The following PRKAR1B variants were observed in gnomAD, a reference collection of about 807,000 sequenced individuals.
The protein encoded by PRKAR1B is cAMP-dependent protein kinase type I-beta regulatory subunit.
Under a neutral mutation model 46.5 loss-of-function variants are expected in PRKAR1B, and 22 were observed. The ratio of observed to expected loss-of-function variants is 0.47; its 90% CI spans 0.34 to 0.68. The LOEUF is 0.68. PRKAR1B is among the 30% of genes least tolerant of loss of function. The pLI, the probability that PRKAR1B is intolerant of heterozygous loss-of-function variation, is 0.01. For synonymous variants in PRKAR1B, 259 were observed against 217.7 expected (o/e 1.19, Z -1.67); for missense variants, 445 against 535.6 (o/e 0.83, Z 1.67).
chr7:557,423 T>C (rs750458512), intron 9 of PRKAR1B, among the ~76,000 whole-genome samples: 4 of 152,230 alleles, frequency 2.6e-5, no homozygotes, highest in Non-Finnish European at 5.9e-5. Flanking sequence ...TTACAGCAGC[T>C]CGGCCTCTCT....
intron 4 of PRKAR1B, among the ~76,000 whole-genome samples, chr7:618,038 C>T (rs950397392): frequency 6.6e-6 from 1 of 152,140 alleles, no homozygotes; most frequent in Admixed American, 6.5e-5. Flanking sequence ...ACCCCCTCAC[C>T]GCCCCCACCA....
At chr7:645,367 C>G (rs956419369) in intron 4 of PRKAR1B, among the ~76,000 whole-genome samples, 3 of 152,194 alleles carry the variant, frequency 2.0e-5, no homozygotes, top group African/African-American at 7.2e-5. Flanking sequence ...CTCACTCAGT[C>G]TACTTGGGCG....
At chr7:591,627 G>A (rs1006213361) in intron 7 of PRKAR1B, among the ~76,000 whole-genome samples, 1 of 152,190 alleles carries the variant, frequency 6.6e-6, no homozygotes, top group African/African-American at 2.4e-5. Context: ...AGGCGGGAGG[G>A]TCGCTTGAGC....
chr7:622,893 A>G (rs931431033), intron 4 of PRKAR1B, among the ~76,000 whole-genome samples: 3 of 151,054 alleles, frequency 2.0e-5, no homozygotes, highest in Non-Finnish European at 4.4e-5. Flanking sequence ...GTCCTCCTTT[A>G]GAAGTGGTTC....
chr7:709,930 C>A (rs1199821091), intron 2 of PRKAR1B, among the ~76,000 whole-genome samples: 2 of 152,224 alleles, frequency 1.3e-5, no homozygotes, highest in Admixed American at 6.5e-5. Context: ...GTATAAGCCA[C>A]CGTATCTGGC....
chr7:585,445 G>A (rs1780542646), intron 7 of PRKAR1B, among the ~76,000 whole-genome samples: 1 of 152,220 alleles, frequency 6.6e-6, no homozygotes, highest in South Asian at 2.1e-4. Flanking sequence ...CCGGACAGCA[G>A]CAAGCTCGAC....
intron 4 of PRKAR1B, among the ~76,000 whole-genome samples, chr7:619,512 G>T (rs183265865): frequency 2.0e-5 from 3 of 152,332 alleles, no homozygotes; most frequent in African/African-American, 7.2e-5. Context: ...CCTGCCCAAG[G>T]TCACACAGCT....
chr7:569,288 A>T (rs1341697669), intron 9 of PRKAR1B, among the ~76,000 whole-genome samples: 1 of 152,176 alleles, frequency 6.6e-6, no homozygotes, highest in Non-Finnish European at 1.5e-5. Flanking sequence ...CCCTCTATCC[A>T]CGCAGAGAAC....
intron 2 of PRKAR1B, among the ~76,000 whole-genome samples, chr7:703,674 C>T (rs950840155): frequency 3.4e-5 from 5 of 146,158 alleles, no homozygotes; most frequent in African/African-American, 1.3e-4. Context: ...AAAAAAAAAT[C>T]AGCAGGAATG....
At chr7:674,064 C>A (rs1786441194) in intron 4 of PRKAR1B, among the ~76,000 whole-genome samples, 1 of 152,206 alleles carries the variant, frequency 6.6e-6, no homozygotes, top group African/African-American at 2.4e-5. Flanking sequence ...CCAGGGCCAC[C>A]CGCCCACCTC....
At chr7:707,775 C>A (rs1472092298) in intron 2 of PRKAR1B, among the ~76,000 whole-genome samples, 1 of 152,282 alleles carries the variant, frequency 6.6e-6, no homozygotes, top group South Asian at 2.1e-4. Flanking sequence ...CCTGGACCAC[C>A]CACAATCGCC....
At chr7:634,301 C>T (rs966263004) in intron 4 of PRKAR1B, among the ~76,000 whole-genome samples, 9 of 151,862 alleles carry the variant, frequency 5.9e-5, no homozygotes, top group South Asian at 2.1e-4. Flanking sequence ...GGATTACAGG[C>T]GTGAGCCACT....
intron 2 of PRKAR1B, chr7:696,934 C>G (rs573565561): frequency 2.1e-4 from 32 of 152,462 alleles, no homozygotes; most frequent in African/African-American, 7.5e-4. Context: ...TGTGCACATG[C>G]CAGGCTGCTC....
chr7:668,569 A>G (rs970087264), intron 4 of PRKAR1B, among the ~76,000 whole-genome samples: 1 of 152,200 alleles, frequency 6.6e-6, no homozygotes, highest in Non-Finnish European at 1.5e-5. Context: ...CCAGCCTTAC[A>G]AAGAGGAGTT....
chr7:727,375 TCCGCGGCCCCTCTCACAACCC>T (rs1235843368), upstream of PRKAR1B: 6 of 771,158 alleles, frequency 7.8e-6, no homozygotes, highest in Non-Finnish European at 4.5e-6. Flanking sequence ...CACCTCCACC[TCCGCGGCCCCTCTCACAACCC>T]CCGCGGCTCG....
chr7:726,437 A>T (rs1407780985), intron 1 of PRKAR1B, among the ~76,000 whole-genome samples: 2 of 152,160 alleles, frequency 1.3e-5, no homozygotes, highest in African/African-American at 4.8e-5. Flanking sequence ...GGGCAGGCCC[A>T]GGCCTATAGC....
At chr7:645,001 C>T (rs1393684710) in intron 4 of PRKAR1B, among the ~76,000 whole-genome samples, 6 of 152,172 alleles carry the variant, frequency 3.9e-5, no homozygotes, top group Admixed American at 6.5e-5. Flanking sequence ...ATAAATAAGG[C>T]GCAGTGTGGA....
chr7:612,601 A>G (rs914612004), intron 4 of PRKAR1B, among the ~76,000 whole-genome samples: 1 of 152,168 alleles, frequency 6.6e-6, no homozygotes, highest in Non-Finnish European at 1.5e-5. Flanking sequence ...TGGCTATTAG[A>G]GGAGAGGAAG....
At chr7:677,941 G>A (rs1408082913) in intron 3 of PRKAR1B, among the ~76,000 whole-genome samples, 3 of 152,134 alleles carry the variant, frequency 2.0e-5, no homozygotes, top group African/African-American at 4.8e-5. Context: ...CCTCAACACT[G>A]CAGGCAGCTG....
Sources: gnomAD v4.1 joint callset for allele counts (sites outside exome capture counted in the v4.1 genomes callset) on GRCh38, gnomAD v4.1.1 for gene constraint, MANE v1.5 for transcripts, NCBI Gene and HGNC (gene_info 2026-07-23, HGNC 2026-07-21) for gene names.